Variants in NKPD1 observed in about 807,000 individuals in gnomAD.
NKPD1 encodes NTPase KAP family P-loop domain-containing protein 1.
NKPD1 carries 37 observed loss-of-function variants against 42.2 expected under a neutral mutation model. The ratio of observed to expected loss-of-function variants is 0.88; its 90% CI spans 0.67 to 1.15. NKPD1 has a LOEUF of 1.15. Among genes scored for constraint, NKPD1 ranks in the 50% most tolerant of loss-of-function variants. NKPD1 has a pLI of 0.00. For synonymous variants in NKPD1, 552 were observed against 536.5 expected (o/e 1.03, Z -0.40); for missense variants, 1,113 against 1,174.6 (o/e 0.95, Z 0.77).
At chr19:45,160,505 C>T (rs1388224007) in intron 1 of NKPD1, among the ~76,000 whole-genome samples, 1 of 151,902 alleles carries the variant, frequency 6.6e-6, no homozygotes, top group Non-Finnish European at 1.5e-5. Flanking sequence ...CAGACATGGG[C>T]TGGGGAAATA....
At chr19:45,159,796 C>T (rs1968972877) in intron 2 of NKPD1, among the ~76,000 whole-genome samples, 1 of 152,206 alleles carries the variant, frequency 6.6e-6, no homozygotes, top group South Asian at 2.1e-4. Flanking sequence ...AGGCCATCCA[C>T]ACAGGCCTCA....
upstream of NKPD1, among the ~76,000 whole-genome samples, chr19:45,162,438 G>A (rs1387386036): frequency 1.3e-5 from 2 of 152,182 alleles, no homozygotes; most frequent in Non-Finnish European, 2.9e-5. Context: ...TGAGCCTGGG[G>A]CACTTACCCA....
At position 45,158,670 on chromosome 19, in the gene NKPD1, G is replaced by A. The variant is rs1461537333; in HGVS notation, c.522C>T (p.Tyr174=). The stretch of plus-strand genomic sequence containing the variant: ...GAAGGCCAGGGTGAGCACCGGAGCT[G>A]TAGGCAGTGAAGGAGCCACAGGCCG... ...APAACGSFTA[Y]SSDILTEDDV... The change falls in exon 3 of 5, where the codon TAC becomes TAT. Residue 174 remains tyrosine (Y), a synonymous_variant. Coordinates refer to ENST00000686631, the MANE Select transcript of NKPD1 (RefSeq NM_198478.4). The surrounding 1 kb of genome is among the most constrained non-coding windows in gnomAD (Gnocchi z 4.6). The A allele has an allele frequency of 3.4e-6, 4 of 1,177,528 alleles. No individual in the cohort carries two copies. The highest frequency in any genetic ancestry group is 7.7e-4 in the Middle Eastern group (2 of 2,600). 72.9% of individuals were successfully genotyped at this position (1,177,528 alleles called of 1,614,324 possible). A position where few individuals can be genotyped will look rare whatever the true frequency, so the allele number is the denominator to read the frequency against.
At chr19:45,159,997 A>G in intron 2 of NKPD1, 63 bp downstream of exon 2, 1 of 953,312 alleles carries the variant, frequency 1.0e-6, no homozygotes, top group Non-Finnish European at 1.5e-6. Context: ...CTGTTCCTCC[A>G]TTCACTCTGG....
At position 45,153,569 on chromosome 19, in the gene NKPD1, C is replaced by T; in HGVS notation, c.868G>A (p.Asp290Asn). The change falls in exon 5 of 5, where the codon GAC (aspartate) becomes AAC (asparagine). Residue 290 changes from aspartate to asparagine, a missense_variant. By Grantham distance (23) the Asp-to-Asn change is conservative. Around this residue, in one of 3 missense-constraint regions of NKPD1, gnomAD observed 867 missense variants for 870.1 expected, o/e 1.00. Coordinates refer to ENST00000686631, the MANE Select transcript of NKPD1 (RefSeq NM_198478.4). Reference sequence around the variant, plus strand: ...GTCACCAGGCCGGCCCACAGCTTGTCGGTGCCCGCGTACTGCCAGGCGCTA... The same window carrying T: ...GTCACCAGGCCGGCCCACAGCTTGTTGGTGCCCGCGTACTGCCAGGCGCTA... ...RFSAWQYAGT[D>N]KLWAGLVTTL... 1.9e-6 allele frequency: 3 copies of T among 1,555,542 alleles called. No individual in the cohort carries two copies. The highest frequency in any genetic ancestry group is 2.6e-6 in the Non-Finnish European group (3 of 1,146,986).
chr19:45,161,002 A>G (rs1306434030), upstream of NKPD1, among the ~76,000 whole-genome samples: 10 of 152,122 alleles, frequency 6.6e-5, no homozygotes, highest in Non-Finnish European at 1.2e-4. Context: ...GCGCAGGCCC[A>G]TCCAGATGGA....
intron 3 of NKPD1, 136 bp from the exon 4 acceptor site, chr19:45,156,052 G>T: frequency 1.2e-6 from 1 of 809,826 alleles, no homozygotes; most frequent in Non-Finnish European, 1.7e-6. Flanking sequence ...AAACCCTGCA[G>T]TGGAGGTTTC....
In NKPD1 at chr19:45,152,631, G is replaced by C; in HGVS notation, c.1806C>G (p.Phe602Leu). ...GGCAGTCGCGCTCGTCGTGAAGGCAGAAGAGCGCCTCCTGGATTCGCCGCG... is the reference window on the plus strand; with the variant it reads ...GGCAGTCGCGCTCGTCGTGAAGGCACAAGAGCGCCTCCTGGATTCGCCGCG... ...EAARRIQEAL[F>L]CLHDERDCLY... The change falls in exon 5 of 5, where the codon TTC (phenylalanine) becomes TTG (leucine). Residue 602 changes from phenylalanine to leucine, a missense_variant. By Grantham distance (22) the Phe-to-Leu change is conservative. Coordinates refer to ENST00000686631, the MANE Select transcript of NKPD1 (RefSeq NM_198478.4). 1 of 1,569,764 alleles carries C rather than the reference G, an allele frequency of 6.4e-7. No individual in the cohort carries two copies. The highest frequency in any genetic ancestry group is 8.6e-7 in the Non-Finnish European group (1 of 1,168,120).
At chr19:45,162,092 C>A (rs975157423), upstream of NKPD1, among the ~76,000 whole-genome samples, 6 of 152,152 alleles carry the variant, frequency 3.9e-5, no homozygotes, top group Non-Finnish European at 7.4e-5. Flanking sequence ...TGCAGTGGGC[C>A]TCCGTGCCAA....
Position 45,158,569 on chromosome 19 carries a change from A to C in NKPD1, c.529+94T>G, listed in dbSNP as rs1784486385. The C allele has an allele frequency of 8.9e-7, 1 of 1,122,008 alleles. No individual in the cohort carries two copies. Among genetic ancestry groups the C allele is most frequent in the Non-Finnish European group, 1.1e-6 (1 of 909,258 alleles). The allele number at this position is 1,122,008 out of a possible 1,614,324, so 69.5% of individuals were successfully genotyped here. On this transcript the variant is annotated intron_variant, in intron 3 of 4. Coordinates refer to ENST00000686631, the MANE Select transcript of NKPD1 (RefSeq NM_198478.4). This position sits in a 1 kb window ranked among gnomAD's most constrained non-coding sequence, Gnocchi z 4.6. Reference sequence around the variant, plus strand: ...GGAACAGGGTGTGGATGAAGAGGGCAGGTGCAAGATGCTAGGCAGGGAGCA... The same window carrying C: ...GGAACAGGGTGTGGATGAAGAGGGCCGGTGCAAGATGCTAGGCAGGGAGCA...
intron 3 of NKPD1, among the ~76,000 whole-genome samples, chr19:45,156,606 GTCAATGTCAT>G (rs1968907596): frequency 6.6e-6 from 1 of 152,226 alleles, no homozygotes; most frequent in Non-Finnish European, 1.5e-5. Flanking sequence ...CGGGCCCTTG[GTCAATGTCAT>G]GGTCTCCAGT....
chr19:45,162,501 G>A (rs534353320), upstream of NKPD1, among the ~76,000 whole-genome samples: 7 of 152,304 alleles, frequency 4.6e-5, no homozygotes, highest in South Asian at 1.4e-3. Flanking sequence ...ACAGATGCGA[G>A]CGGGGTGGGA....
intron 4 of NKPD1, among the ~76,000 whole-genome samples, chr19:45,154,791 G>A (rs1164069816): frequency 2.6e-5 from 4 of 152,102 alleles, no homozygotes; most frequent in East Asian, 1.9e-4. Context: ...TTGGGAGGCC[G>A]AGGTGGGCGG....
rs2122778724 is a variant in NKPD1, at chr19:45,153,095, G to A, written c.1342C>T (p.Gln448Ter). Residue 448 changes from glutamine (Q) to a stop codon, truncating the protein, a stop_gained, in exon 5 of 5, where the codon CAG (glutamine) becomes TAG (stop). Transcript: ENST00000686631. LOFTEE classifies it high-confidence loss of function. Reference sequence around the variant, plus strand: ...AGCACCACGCGCAGCCTGCGCCGCTGGTAGATCTCCAGGAAGCACAGGAAG... The same window carrying A: ...AGCACCACGCGCAGCCTGCGCCGCTAGTAGATCTCCAGGAAGCACAGGAAG... Reference protein sequence around the residue: ...TDFLCFLEIYQRRRLRVVLEV... With the variant: ...TDFLCFLEIY The A allele has an allele frequency of 1.8e-5, 29 of 1,575,612 alleles. No individual in the cohort carries two copies. Among genetic ancestry groups the A allele is most frequent in the Non-Finnish European group, 2.3e-5 (27 of 1,161,212 alleles).
At position 45,152,547 on chromosome 19, in the gene NKPD1, G is replaced by C; in HGVS notation, c.1890C>G (p.Pro630=). The stretch of plus-strand genomic sequence containing the variant: ...GCTGCTGCAGCAGGCGCACGGTGAT[G>C]GGCACGGTGTTGACGATGCGCCGCA... ...VSMRRIVNTV[P]ITVRLLQQQQ... The change falls in exon 5 of 5, where the codon CCC becomes CCG. Residue 630 remains proline (P), a synonymous_variant. Coordinates refer to ENST00000686631, the MANE Select transcript of NKPD1 (RefSeq NM_198478.4). 2.5e-6 allele frequency: 4 copies of C among 1,584,380 alleles called. No homozygotes were observed. Among genetic ancestry groups the C allele is most frequent in the Non-Finnish European group, 3.4e-6 (4 of 1,174,234 alleles).
intron 2 of NKPD1, among the ~76,000 whole-genome samples, chr19:45,159,432 G>C (rs1968966617): frequency 6.6e-6 from 1 of 152,146 alleles, no homozygotes; most frequent in South Asian, 2.1e-4. Flanking sequence ...CAGTGCAGGG[G>C]TCAGGGAAAC....
chr19:45,151,605 C>A lies in NKPD1; in HGVS notation c.*333G>T. ...GGTGCAGAGGAGTAAGTGGGCTTAGCAGGATGGGGCAGGCCCTGTGGCAGG... is the reference window on the plus strand; with the variant it reads ...GGTGCAGAGGAGTAAGTGGGCTTAGAAGGATGGGGCAGGCCCTGTGGCAGG... On this transcript the variant is annotated 3_prime_UTR_variant, in exon 5 of 5. Coordinates refer to ENST00000686631, the MANE Select transcript of NKPD1 (RefSeq NM_198478.4). 3.6e-6 allele frequency: 1 copy of A among 274,928 alleles called. No homozygotes were observed. The highest frequency in any genetic ancestry group is 6.8e-6 in the Non-Finnish European group (1 of 147,562). The allele number at this position is 274,928 out of a possible 1,614,324, so 17.0% of individuals were successfully genotyped here.
At chr19:45,162,597 C>T (rs543074440), upstream of NKPD1, among the ~76,000 whole-genome samples, 6 of 152,224 alleles carry the variant, frequency 3.9e-5, no homozygotes, top group African/African-American at 1.4e-4. Flanking sequence ...GTCTGGCCTC[C>T]CCCTACCCCA....
At chr19:45,156,944 G>A (rs992515528) in intron 3 of NKPD1, among the ~76,000 whole-genome samples, 1 of 152,158 alleles carries the variant, frequency 6.6e-6, no homozygotes, top group Non-Finnish European at 1.5e-5. Context: ...CAGATCACTG[G>A]GTGGCCCCAC....
Sources: allele counts gnomAD v4.1 joint callset (sites outside exome capture counted in the v4.1 genomes callset), GRCh38; gene constraint gnomAD v4.1.1; regional missense constraint gnomAD v4.1.1; non-coding constraint Gnocchi (gnomAD v3.1); transcripts MANE v1.5; gene names NCBI Gene and HGNC (gene_info 2026-07-23, HGNC 2026-07-21).